The following SLC8A1 variants were observed in gnomAD, a reference collection of about 807,000 sequenced individuals.
SLC8A1 encodes solute carrier family 8 member A1.
Under a neutral mutation model 68.3 loss-of-function variants are expected in SLC8A1, and 18 were observed. That is an observed-to-expected ratio of 0.26 (90% CI 0.18 to 0.39). The LOEUF (loss-of-function observed/expected upper bound fraction) is 0.39. Among genes scored for constraint, SLC8A1 ranks in the 10% least tolerant of loss-of-function variants. SLC8A1 has a pLI of 1.00. For synonymous variants in SLC8A1, 475 were observed against 415.5 expected, an observed-to-expected ratio of 1.14 and a Z score of -1.74; for missense variants, 985 against 1,156.7, an observed-to-expected ratio of 0.85 and a Z score of 2.15.
chr2:40,308,694 C>G (rs1194216283), intron 2 of SLC8A1, among the ~76,000 whole-genome samples: 1 of 152,050 alleles, frequency 6.6e-6, no homozygotes, highest in Non-Finnish European at 1.5e-5. Flanking sequence ...GTGTATTGGG[C>G]TCGCAGTTAT....
At chr2:40,384,776 G>C (rs1266703504) in intron 2 of SLC8A1, among the ~76,000 whole-genome samples, 1 of 151,988 alleles carries the variant, frequency 6.6e-6, no homozygotes, top group Non-Finnish European at 1.5e-5. Flanking sequence ...TTTCACATTT[G>C]GGCATTTAAA....
chr2:40,466,703 C>A (rs1260447481), intron 1 of SLC8A1, among the ~76,000 whole-genome samples: 1 of 152,110 alleles, frequency 6.6e-6, no homozygotes, highest in Admixed American at 6.6e-5. Flanking sequence ...CAGGCCCATG[C>A]TGTGCATATT....
chr2:40,420,692 T>C (rs1337020911), intron 2 of SLC8A1, among the ~76,000 whole-genome samples: 1 of 152,328 alleles, frequency 6.6e-6, no homozygotes, highest in East Asian at 1.9e-4. Flanking sequence ...ATACACGTTC[T>C]AGAATCCCAG....
chr2:40,394,552 A>G (rs916627132), intron 2 of SLC8A1, among the ~76,000 whole-genome samples: 4 of 152,040 alleles, frequency 2.6e-5, no homozygotes, highest in Non-Finnish European at 4.4e-5. Context: ...AGACATTTCG[A>G]TAAGATTATA....
upstream of SLC8A1, chr2:40,453,450 C>T (rs899749073): frequency 2.0e-5 from 3 of 152,148 alleles, no homozygotes; most frequent in Non-Finnish European, 4.4e-5. Context: ...GATTCTGACT[C>T]CAGGAACCTC....
chr2:40,328,085 TAGC>T (rs1256228624), intron 2 of SLC8A1, among the ~76,000 whole-genome samples: 1 of 152,098 alleles, frequency 6.6e-6, no homozygotes, highest in East Asian at 1.9e-4. Context: ...AGAGCATATT[TAGC>T]AGAAGAGGGT....
chr2:40,293,391 G>A (rs540497761), intron 2 of SLC8A1, among the ~76,000 whole-genome samples: 2 of 152,206 alleles, frequency 1.3e-5, no homozygotes, highest in African/African-American at 4.8e-5. Context: ...CATAACTCTG[G>A]ATTGTAAATA....
chr2:40,443,091 C>G (rs1576527234), intron 1 of SLC8A1, among the ~76,000 whole-genome samples: 1 of 151,914 alleles, frequency 6.6e-6, no homozygotes, highest in Non-Finnish European at 1.5e-5. Flanking sequence ...ACAACACACA[C>G]TGGGGCTTTC....
chr2:40,174,830 A>T, exon 4 of SLC8A1: 1 of 1,609,710 alleles, frequency 6.2e-7, no homozygotes, highest in East Asian at 2.2e-5. Context: ...CATACCTGTT[A>T]TTGTGAAGCC....
intron 2 of SLC8A1, among the ~76,000 whole-genome samples, chr2:40,201,994 ATATG>A (rs1407989877): frequency 6.6e-6 from 1 of 152,024 alleles, no homozygotes; most frequent in African/African-American, 2.4e-5. Flanking sequence ...AAGCATGTGT[ATATG>A]CATGCATGCT....
chr2:40,378,973 T>A (rs969781421), intron 2 of SLC8A1, among the ~76,000 whole-genome samples: 1 of 152,106 alleles, frequency 6.6e-6, no homozygotes, highest in South Asian at 2.1e-4. Flanking sequence ...ATGCACTATT[T>A]ATTTGTTCAC....
chr2:40,496,390 G>A (rs1240047706), intron 1 of SLC8A1, among the ~76,000 whole-genome samples: 1 of 152,036 alleles, frequency 6.6e-6, no homozygotes, highest in African/African-American at 2.4e-5. Context: ...AGACAGCATG[G>A]CTGTATGGCA....
intron 2 of SLC8A1, among the ~76,000 whole-genome samples, chr2:40,277,987 G>T (rs1017943227): frequency 1.3e-5 from 2 of 151,808 alleles, no homozygotes; most frequent in Non-Finnish European, 2.9e-5. Context: ...AGTAACTTAT[G>T]TAAGTCTACA....
In SLC8A1 at chr2:40,294,746, A is replaced by C. The variant is rs186180900; in HGVS notation, c.1809-116891T>G. 5.9e-3 allele frequency among the ~76,000 whole-genome samples: 900 copies of C among 152,324 alleles called. 9 individuals carry two copies. Among genetic ancestry groups the C allele is most frequent in the Non-Finnish European group, 9.0e-3 (609 of 68,026 alleles). On this transcript the variant is annotated intron_variant, in intron 2 of 7. Coordinates refer to ENST00000406785, the Ensembl canonical transcript of SLC8A1. ...AAAGTTATGTATGCCTGGTTTTATA[A>C]AATAAAGTTAAATGCAATTTCACCC...
chr2:40,148,202 G>A (rs913019272), intron 6 of SLC8A1, among the ~76,000 whole-genome samples: 2 of 152,180 alleles, frequency 1.3e-5, no homozygotes, highest in Non-Finnish European at 2.9e-5. Flanking sequence ...TTCAGAGAAT[G>A]AATGGCTGGC....
chr2:40,390,779 A>C (rs1290773221), intron 2 of SLC8A1, among the ~76,000 whole-genome samples: 1 of 152,076 alleles, frequency 6.6e-6, no homozygotes, highest in African/African-American at 2.4e-5. Flanking sequence ...CATCCATTTC[A>C]ATCTGAACAC....
exon 8 of SLC8A1, chr2:40,105,917 G>T (rs1403821805): frequency 3.3e-5 from 5 of 152,178 alleles, no homozygotes; most frequent in Non-Finnish European, 7.3e-5. Flanking sequence ...AACAGTGATA[G>T]GTTTCCCCTG....
At chr2:40,385,250 C>G (rs186580086) in intron 2 of SLC8A1, among the ~76,000 whole-genome samples, 1 of 151,978 alleles carries the variant, frequency 6.6e-6, no homozygotes, top group African/African-American at 2.4e-5. Flanking sequence ...GGAGGAAACT[C>G]CTTTTTTCTA....
chr2:40,173,031 T>A (rs964224645), intron 4 of SLC8A1, among the ~76,000 whole-genome samples: 1 of 152,300 alleles, frequency 6.6e-6, no homozygotes, highest in South Asian at 2.1e-4. Context: ...AGCATCCTAG[T>A]AGCCACAAGT....
Sources: allele counts gnomAD v4.1 joint callset (sites outside exome capture counted in the v4.1 genomes callset), GRCh38; gene constraint gnomAD v4.1.1; transcripts MANE v1.5; gene names NCBI Gene and HGNC (gene_info 2026-07-23, HGNC 2026-07-21).